Variants in GLG1 observed in about 807,000 individuals in gnomAD.
GLG1 encodes Golgi apparatus protein 1.
A neutral mutation model predicts 160.5 loss-of-function variants in GLG1; 38 were observed. That is an observed-to-expected ratio of 0.24 (90% CI 0.18 to 0.31). The LOEUF is 0.31. Among genes scored for constraint, GLG1 ranks in the 10% least tolerant of loss-of-function variants. The pLI is 1.00. For synonymous variants in GLG1, 644 were observed against 543.4 expected (o/e 1.19, Z -2.57); for missense variants, 1,373 against 1,505.2 (o/e 0.91, Z 1.45).
Position 74,452,739 on chromosome 16 carries a change from CAT to C in GLG1, c.*426_*427del. 6 of 992,962 alleles carry C rather than the reference CAT, an allele frequency of 6.0e-6. No homozygotes were observed. Among genetic ancestry groups the C allele is most frequent in the Non-Finnish European group, 7.2e-6 (6 of 834,428 alleles). 61.5% of individuals were successfully genotyped at this position (992,962 alleles called of 1,614,324 possible). On this transcript the variant is annotated 3_prime_UTR_variant, in exon 26 of 26. Coordinates refer to ENST00000422840, the MANE Select transcript of GLG1 (RefSeq NM_001145667.2). Reference sequence around the variant, plus strand: ...TTGTTTTACACAGTCATATGAAAGACATAACCCCATTGCCCAAATCAAGCCTG... The same window carrying C: ...TTGTTTTACACAGTCATATGAAAGACAACCCCATTGCCCAAATCAAGCCTG...
At chr16:74,529,638 C>T (rs563534082) in intron 2 of GLG1, among the ~76,000 whole-genome samples, 7 of 151,950 alleles carry the variant, frequency 4.6e-5, no homozygotes, top group South Asian at 4.2e-4. Context: ...TGATAGCATG[C>T]GGGACATTAT....
At chr16:74,472,282 T>C (rs2015236065) in intron 14 of GLG1, 67 bp downstream of exon 14, 2 of 1,007,656 alleles carry the variant, frequency 2.0e-6, no homozygotes, top group Non-Finnish European at 3.2e-6. Context: ...GAGTCTGAGA[T>C]ACTCAGGGGA....
chr16:74,507,526 C>CAA, intron 3 of GLG1, among the ~76,000 whole-genome samples: 1 of 152,200 alleles, frequency 6.6e-6, no homozygotes. Context: ...CACATGAGGT[C>CAA]AGGATTTGAG....
chr16:74,532,271 A>G, intron 1 of GLG1, 118 bp from the exon 2 acceptor site: 1 of 363,418 alleles, frequency 2.8e-6, no homozygotes, highest in Admixed American at 4.6e-5. Context: ...AAATCTGAAT[A>G]TTCAACCAAA....
chr16:74,531,908 C>T (rs3960602), intron 2 of GLG1, among the ~76,000 whole-genome samples: 102,106 of 152,006 alleles, frequency 0.67, 34,480 homozygotes, highest in East Asian at 0.81. Flanking sequence ...TGAAGAAAAA[C>T]TTAAGTACGT....
At chr16:74,537,240 G>A (rs1597322684) in intron 1 of GLG1, among the ~76,000 whole-genome samples, 2 of 152,134 alleles carry the variant, frequency 1.3e-5, no homozygotes, top group South Asian at 4.2e-4. Flanking sequence ...AAGGAACTTG[G>A]GTAATGCTGT....
chr16:74,477,282 A>G, intron 12 of GLG1, 114 bp downstream of exon 12: 1 of 868,120 alleles, frequency 1.2e-6, no homozygotes, highest in Non-Finnish European at 1.9e-6. Flanking sequence ...CAATACAACA[A>G]ATCACATCTG....
chr16:74,549,129 G>A (rs1376693004), intron 1 of GLG1, among the ~76,000 whole-genome samples: 2 of 152,102 alleles, frequency 1.3e-5, no homozygotes, highest in African/African-American at 2.4e-5. Context: ...GATGGATCAG[G>A]CAATAACACT....
intron 3 of GLG1, among the ~76,000 whole-genome samples, chr16:74,505,257 G>C (rs556057764): frequency 6.6e-6 from 1 of 152,280 alleles, no homozygotes; most frequent in South Asian, 2.1e-4. Flanking sequence ...TCCAGACCAC[G>C]TAAATAACTC....
chr16:74,466,068 T>C (rs2014989327), intron 18 of GLG1, among the ~76,000 whole-genome samples: 1 of 152,164 alleles, frequency 6.6e-6, no homozygotes, highest in African/African-American at 2.4e-5. Flanking sequence ...ACACCCACGA[T>C]TTCTGGTTTC....
At chr16:74,475,157 C>CAAA (rs58639513) in intron 12 of GLG1, among the ~76,000 whole-genome samples, 56 of 52,828 alleles carry the variant, frequency 1.1e-3, no homozygotes, top group African/African-American at 3.1e-3. Context: ...AACTCCGTCT[C>CAAA]AAAAAAAAAA....
intron 1 of GLG1, among the ~76,000 whole-genome samples, chr16:74,594,229 AAC>A (rs1229152336): frequency 6.6e-6 from 1 of 152,208 alleles, no homozygotes; most frequent in Non-Finnish European, 1.5e-5. Flanking sequence ...TTTTTAAAGA[AAC>A]ACAAAATTAT....
At chr16:74,533,727 T>C (rs1305201711) in intron 1 of GLG1, among the ~76,000 whole-genome samples, 3 of 152,004 alleles carry the variant, frequency 2.0e-5, no homozygotes, top group Admixed American at 6.6e-5. Flanking sequence ...ATTGCAGTGA[T>C]CTGAGATTGT....
At chr16:74,596,672 T>A (rs746124513) in intron 1 of GLG1, among the ~76,000 whole-genome samples, 2 of 152,248 alleles carry the variant, frequency 1.3e-5, no homozygotes, top group African/African-American at 4.8e-5. Context: ...ACTACCACAG[T>A]AGACAGTGCA....
At chr16:74,571,173 T>C (rs576559150) in intron 1 of GLG1, among the ~76,000 whole-genome samples, 3 of 152,030 alleles carry the variant, frequency 2.0e-5, no homozygotes, top group Admixed American at 6.6e-5. Context: ...TGGAGCCCAG[T>C]TGCTTTTTTC....
intron 25 of GLG1, among the ~76,000 whole-genome samples, chr16:74,454,880 A>T (rs922501670): frequency 2.0e-5 from 3 of 150,722 alleles, no homozygotes; most frequent in Non-Finnish European, 4.4e-5. Flanking sequence ...CATTTCCCAC[A>T]TCAAAAACAA....
chr16:74,466,332 C>T (rs545622460), intron 18 of GLG1, among the ~76,000 whole-genome samples: 2 of 152,282 alleles, frequency 1.3e-5, no homozygotes, highest in African/African-American at 4.8e-5. Context: ...TGAGTTATCA[C>T]TCAAAATACA....
At chr16:74,536,793 T>C (rs1567509861) in intron 1 of GLG1, among the ~76,000 whole-genome samples, 1 of 152,208 alleles carries the variant, frequency 6.6e-6, no homozygotes, top group Admixed American at 6.5e-5. Flanking sequence ...TTTCAAATGA[T>C]AGGAAGAACA....
intron 2 of GLG1, among the ~76,000 whole-genome samples, chr16:74,518,230 T>C (rs1011452177): frequency 1.3e-5 from 2 of 152,082 alleles, no homozygotes; most frequent in African/African-American, 4.8e-5. Context: ...AAAAAAGAGC[T>C]AGCATAGCCA....
Sources: gnomAD v4.1 joint callset for allele counts (sites outside exome capture counted in the v4.1 genomes callset) on GRCh38, gnomAD v4.1.1 for gene constraint, MANE v1.5 for transcripts, NCBI Gene and HGNC (gene_info 2026-07-23, HGNC 2026-07-21) for gene names.